Variants in CDH9 observed in about 807,000 individuals in gnomAD.
CDH9 encodes cadherin-9.
CDH9 carries 28 observed loss-of-function variants against 70.9 expected under a neutral mutation model. The observed-to-expected ratio is 0.40, with a 90% CI of 0.29 to 0.54. CDH9 has a LOEUF of 0.54. Among genes scored for constraint, CDH9 ranks in the 20% least tolerant of loss-of-function variants. The pLI, the probability that CDH9 is intolerant of heterozygous loss-of-function variation, is 0.59. For synonymous variants in CDH9, 409 were observed against 343.1 expected (o/e 1.19, Z -2.12); for missense variants, 874 against 984.4 (o/e 0.89, Z 1.50).
chr5:26,999,580 T>C lies in CDH9; in HGVS notation c.-49-11198A>G, dbSNP rs1742728559. Among the ~76,000 whole-genome samples, 4 of 152,224 alleles carry C rather than the reference T, an allele frequency of 2.6e-5. No homozygotes were observed. In the South Asian group the frequency reaches 8.3e-4, roughly 32 times the overall value. Reference sequence around the variant, plus strand: ...GAGTCCAGAATTAGACCCACACAAATACTGTCAACTCTCATTTGACAAAGG... The same window carrying C: ...GAGTCCAGAATTAGACCCACACAAACACTGTCAACTCTCATTTGACAAAGG... On this transcript the variant is annotated intron_variant, in intron 1 of 11. Coordinates refer to ENST00000231021, the MANE Select transcript of CDH9 (RefSeq NM_016279.4).
chr5:26,988,948 G>A (rs1350446133), intron 1 of CDH9, among the ~76,000 whole-genome samples: 1 of 151,780 alleles, frequency 6.6e-6, no homozygotes, highest in Admixed American at 6.6e-5. Flanking sequence ...GCAATACTTA[G>A]CACCATGTCG....
intron 1 of CDH9, among the ~76,000 whole-genome samples, chr5:27,006,551 T>A (rs1360171505): frequency 6.6e-6 from 1 of 152,128 alleles, no homozygotes; most frequent in African/African-American, 2.4e-5. Context: ...TGGAGTAATA[T>A]CTGCTCCCAA....
chr5:26,888,758 T>C (rs1447139763), intron 9 of CDH9, among the ~76,000 whole-genome samples: 1 of 152,182 alleles, frequency 6.6e-6, no homozygotes, highest in Non-Finnish European at 1.5e-5. Context: ...ATCTAGAGGC[T>C]AGCATGGTTG....
At chr5:26,990,962 G>T (rs2112094793) in intron 1 of CDH9, among the ~76,000 whole-genome samples, 1 of 152,312 alleles carries the variant, frequency 6.6e-6, no homozygotes, top group South Asian at 2.1e-4. Context: ...AATAGACTTA[G>T]GCAGGGGCTA....
At chr5:26,985,151 T>A (rs2112088394) in intron 2 of CDH9, among the ~76,000 whole-genome samples, 1 of 152,194 alleles carries the variant, frequency 6.6e-6, no homozygotes, top group Middle Eastern at 3.4e-3. Flanking sequence ...ACAGTGAAGG[T>A]CTAACTTTAT....
intron 1 of CDH9, among the ~76,000 whole-genome samples, chr5:27,011,189 C>T (rs1266326797): frequency 1.3e-5 from 2 of 152,014 alleles, no homozygotes; most frequent in Non-Finnish European, 2.9e-5. Flanking sequence ...GATTATTTTG[C>T]TGGAATATGA....
chr5:26,915,566 A>C, intron 3 of CDH9, 64 bp downstream of exon 3: 1 of 934,020 alleles, frequency 1.1e-6, no homozygotes, highest in East Asian at 2.4e-5. Context: ...ACCACAAGTC[A>C]ATAATAATTA....
At chr5:27,019,455 T>C (rs1743100247) in intron 1 of CDH9, among the ~76,000 whole-genome samples, 1 of 152,026 alleles carries the variant, frequency 6.6e-6, no homozygotes, top group African/African-American at 2.4e-5. Flanking sequence ...TTAATCCCAG[T>C]CTACTTTGTA....
chr5:26,898,671 C>A (rs1740796772), intron 7 of CDH9, among the ~76,000 whole-genome samples: 1 of 152,134 alleles, frequency 6.6e-6, no homozygotes, highest in African/African-American at 2.4e-5. Context: ...AAAATTCACT[C>A]AAGATGGACT....
In CDH9 at chr5:26,880,603, T is replaced by G. The variant is rs928898648; in HGVS notation, c.*533A>C. 13 of 152,264 alleles carry G rather than the reference T, an allele frequency of 8.5e-5. No homozygotes were observed. In the Admixed American group the frequency reaches 8.5e-4, roughly 10 times the overall value. 9.4% of individuals were successfully genotyped at this position (152,264 alleles called of 1,614,324 possible). On this transcript the variant is annotated 3_prime_UTR_variant, in exon 12 of 12. Coordinates refer to ENST00000231021, the MANE Select transcript of CDH9 (RefSeq NM_016279.4). Reference sequence around the variant, plus strand: ...GGAATTAAATAAAATGAAATGTGTTTTATAAATACTAGTTTATTTCATAAA... The same window carrying G: ...GGAATTAAATAAAATGAAATGTGTTGTATAAATACTAGTTTATTTCATAAA...
intron 2 of CDH9, among the ~76,000 whole-genome samples, chr5:26,985,705 G>T (rs540216303): frequency 2.6e-5 from 4 of 152,060 alleles, no homozygotes; most frequent in Admixed American, 2.0e-4. Flanking sequence ...TCCCAATCCT[G>T]GTCCGTGGTG....
At chr5:26,999,340 C>A (rs1742724484) in intron 1 of CDH9, among the ~76,000 whole-genome samples, 1 of 152,144 alleles carries the variant, frequency 6.6e-6, no homozygotes, top group Admixed American at 6.6e-5. Flanking sequence ...GCAATGACTT[C>A]TCTTCATATA....
At chr5:26,928,140 T>A (rs1215570002) in intron 2 of CDH9, among the ~76,000 whole-genome samples, 1 of 151,950 alleles carries the variant, frequency 6.6e-6, no homozygotes, top group Admixed American at 6.6e-5. Context: ...TAAAACCAAT[T>A]CAGTAAAATT....
chr5:26,917,174 AT>A (rs1741164620), intron 2 of CDH9, among the ~76,000 whole-genome samples: 1 of 150,810 alleles, frequency 6.6e-6, no homozygotes, highest in East Asian at 1.9e-4. Flanking sequence ...ACTACAGTAT[AT>A]TTTGATATAT....
intron 1 of CDH9, among the ~76,000 whole-genome samples, chr5:26,998,479 CA>C (rs1217447676): frequency 1.4e-5 from 2 of 140,462 alleles, no homozygotes; most frequent in East Asian, 2.1e-4. Context: ...ATCACAAGGA[CA>C]AAAAAAAACA....
intron 1 of CDH9, among the ~76,000 whole-genome samples, chr5:26,989,292 T>C (rs1742540958): frequency 6.6e-6 from 1 of 152,096 alleles, no homozygotes; most frequent in Non-Finnish European, 1.5e-5. Context: ...TTAATTTGTA[T>C]GATACTTAAT....
At chr5:26,883,771 T>C (rs1272400313) in intron 11 of CDH9, among the ~76,000 whole-genome samples, 2 of 120,234 alleles carry the variant, frequency 1.7e-5, no homozygotes, top group Non-Finnish European at 3.7e-5. Flanking sequence ...TCCATTCTTT[T>C]CATCAGGCTG....
rs1259853566 is a variant in CDH9 at position 26,885,670 on chromosome 5, G to A, written c.1826C>T (p.Ala609Val). ...SCTAEALILS[A>V]GLSTGALVAI... Reference sequence around the variant, plus strand: ...AACGAGAGCTCCCGTGCTCAGGCCGGCTGAAAGGATCAGGGCTTCTGCGGT... The same window carrying A: ...AACGAGAGCTCCCGTGCTCAGGCCGACTGAAAGGATCAGGGCTTCTGCGGT... Residue 609 changes from alanine to valine, a missense_variant, in exon 11 of 12, where the codon GCC (alanine) becomes GTC (valine). Transcript: ENST00000231021. 2.5e-6 allele frequency: 4 copies of A among 1,613,578 alleles called. No individual in the cohort carries two copies. The highest frequency in any genetic ancestry group is 1.1e-5 in the South Asian group (1 of 91,046).
rs762573750 is a variant in CDH9, at chr5:26,881,562, T to C, written c.1944A>G (p.Ser648=). ...CAATGTTGTCCCGGACATCGTCTTTTGAAATTATCAGAGGTTCCTTTTTTC... is the reference window on the plus strand; with the variant it reads ...CAATGTTGTCCCGGACATCGTCTTTCGAAATTATCAGAGGTTCCTTTTTTC... The part of the protein sequence containing the change: ...RQRKKEPLII[S]KDDVRDNIVT... The change falls in exon 12 of 12, where the codon TCA becomes TCG. Residue 648 remains serine (S), a synonymous_variant. Transcript: ENST00000231021. 8.9e-5 allele frequency: 143 copies of C among 1,613,422 alleles called. No homozygotes were observed. The highest frequency in any genetic ancestry group is 1.1e-4 in the Non-Finnish European group (134 of 1,179,690).
Sources: gnomAD v4.1 joint callset for allele counts (sites outside exome capture counted in the v4.1 genomes callset) on GRCh38, gnomAD v4.1.1 for gene constraint, MANE v1.5 for transcripts, NCBI Gene and HGNC (gene_info 2026-07-23, HGNC 2026-07-21) for gene names.